FAM81A: variants seen among roughly 807,000 people sequenced by gnomAD.
FAM81A encodes protein FAM81A.
In FAM81A, 19 loss-of-function variants were observed where a neutral mutation model predicts 46.7. That is an observed-to-expected ratio of 0.41 (90% CI 0.28 to 0.60). The LOEUF is 0.60. Among genes scored for constraint, FAM81A ranks in the 20% least tolerant of loss-of-function variants. FAM81A has a pLI of 0.34. For synonymous variants in FAM81A, 183 were observed against 152.9 expected (o/e 1.20, Z -1.45); for missense variants, 377 against 453.5 (o/e 0.83, Z 1.53).
intron 6 of FAM81A, among the ~76,000 whole-genome samples, chr15:59,512,207 G>C (rs1432595402): frequency 6.6e-6 from 1 of 152,038 alleles, no homozygotes; most frequent in Non-Finnish European, 1.5e-5. Flanking sequence ...GGCCAGGCGA[G>C]GGGGCTAACG....
Position 59,507,080 on chromosome 15 carries a change from G to A in FAM81A, c.414-133G>A, listed in dbSNP as rs910472888. ...TGAGGCCAGCTCTTGGAATTCATTT[G>A]AACCTCTGTTCAAAAGAATGATGGA... is the stretch of plus-strand genomic sequence containing the variant. On this transcript the variant is annotated intron_variant, in intron 4 of 8. Coordinates refer to ENST00000288228, the MANE Select transcript of FAM81A (RefSeq NM_152450.3). The A allele has an allele frequency of 1.3e-5, 15 of 1,190,466 alleles. No homozygotes were observed. The African/African-American group carries it at 1.9e-4, about 15-fold the overall frequency. 73.7% of individuals were successfully genotyped at this position (1,190,466 alleles called of 1,614,324 possible). A position where few individuals can be genotyped will look rare whatever the true frequency, so the allele number is the denominator to read the frequency against.
chr15:59,496,553 C>T (rs1390843473), intron 4 of FAM81A, among the ~76,000 whole-genome samples: 1 of 151,980 alleles, frequency 6.6e-6, no homozygotes, highest in Non-Finnish European at 1.5e-5. Flanking sequence ...TGTAGTGAGC[C>T]AAGATCTCGC....
intron 3 of FAM81A, among the ~76,000 whole-genome samples, chr15:59,478,752 G>C (rs1315537392): frequency 1.4e-5 from 1 of 73,230 alleles, no homozygotes. Context: ...ATTCAGTTCT[G>C]TTGACAGAGG....
chr15:59,405,748 T>TC (rs1245724664), intron 2 of FAM81A, among the ~76,000 whole-genome samples: 2 of 152,166 alleles, frequency 1.3e-5, no homozygotes, highest in African/African-American at 4.8e-5. Context: ...GAACAAACCC[T>TC]CTTACTGGCC....
At chr15:59,454,926 C>G (rs1218105517) in intron 1 of FAM81A, among the ~76,000 whole-genome samples, 1 of 151,228 alleles carries the variant, frequency 6.6e-6, no homozygotes, top group Non-Finnish European at 1.5e-5. Flanking sequence ...TGCCTCCACA[C>G]CTGGCTAATT....
At chr15:59,450,347 A>G (rs533775249) in intron 1 of FAM81A, among the ~76,000 whole-genome samples, 12 of 152,212 alleles carry the variant, frequency 7.9e-5, no homozygotes, top group African/African-American at 2.9e-4. Flanking sequence ...TTTTGCTATT[A>G]GAAAGAATGC....
Position 59,516,652 on chromosome 15 carries a change from G to A in FAM81A, c.794G>A (p.Ser265Asn). ...SLIVKENSGA[S>N]ERDMEKKLSQ... ...TCTTATCATGGATCTCAGGGAGCCA[G>A]TGAAAGGGATATGGAGAAGAAGCTC... is the stretch of plus-strand genomic sequence containing the variant. Residue 265 changes from serine to asparagine, a missense_variant, in exon 8 of 9, where the codon AGT (serine) becomes AAT (asparagine). Coordinates refer to ENST00000288228, the MANE Select transcript of FAM81A (RefSeq NM_152450.3). The A allele has an allele frequency of 2.5e-6, 4 of 1,610,864 alleles. No individual in the cohort carries two copies. Among genetic ancestry groups the A allele is most frequent in the Non-Finnish European group, 3.4e-6 (4 of 1,179,102 alleles).
chr15:59,480,359 G>A (rs1310997568), intron 3 of FAM81A, among the ~76,000 whole-genome samples: 2 of 152,132 alleles, frequency 1.3e-5, no homozygotes, highest in African/African-American at 4.8e-5. Flanking sequence ...TCCTGGCAAC[G>A]CTGGCCTGTC....
chr15:59,432,764 A>C (rs1469554814), intron 2 of FAM81A, among the ~76,000 whole-genome samples: 1 of 152,220 alleles, frequency 6.6e-6, no homozygotes, highest in African/African-American at 2.4e-5. Flanking sequence ...GGCTGAGGGG[A>C]GGTGAGTGAG....
intron 3 of FAM81A, among the ~76,000 whole-genome samples, chr15:59,479,519 G>GAAAAAAAAAAAAAAAAAA (rs57107735): frequency 1.4e-5 from 1 of 72,676 alleles, no homozygotes; most frequent in Non-Finnish European, 2.4e-5. Flanking sequence ...TCAAAAATAA[G>GAAAAAAAAAAAAAAAAAA]AAAAAAAAAA....
At chr15:59,479,166 G>A (rs1172301189) in intron 3 of FAM81A, among the ~76,000 whole-genome samples, 7 of 152,184 alleles carry the variant, frequency 4.6e-5, no homozygotes, top group African/African-American at 1.7e-4. Flanking sequence ...GTTAGCTGAT[G>A]TCAAGTGCTC....
intron 3 of FAM81A, among the ~76,000 whole-genome samples, chr15:59,474,425 G>T (rs1182506567): frequency 6.6e-6 from 1 of 152,186 alleles, no homozygotes; most frequent in Non-Finnish European, 1.5e-5. Context: ...GCAGAAGGTG[G>T]AAGGGCAAGA....
chr15:59,460,059 G>A lies in FAM81A; in HGVS notation c.147G>A (p.Glu49=). The A allele has an allele frequency of 6.2e-7, 1 of 1,613,960 alleles. No homozygotes were observed. The change falls in exon 3 of 9, where the codon GAG becomes GAA. Residue 49 remains glutamate, a synonymous_variant. Coordinates refer to ENST00000288228, the MANE Select transcript of FAM81A (RefSeq NM_152450.3). This position sits in a 1 kb window ranked among gnomAD's most constrained non-coding sequence, Gnocchi z 4.4. The part of the protein sequence containing the change: ...CHEKTTAALV[E]HAFRIKDDIV... Reference sequence around the variant, plus strand: ...AGAAAACCACCGCCGCCCTCGTAGAGCACGCCTTTCGGATTAAAGATGACA... The same window carrying A: ...AGAAAACCACCGCCGCCCTCGTAGAACACGCCTTTCGGATTAAAGATGACA...
At chr15:59,448,463 G>C (rs2081375570) in intron 1 of FAM81A, among the ~76,000 whole-genome samples, 1 of 152,144 alleles carries the variant, frequency 6.6e-6, no homozygotes, top group Non-Finnish European at 1.5e-5. Context: ...CAAAGTGCTG[G>C]CTTCCAGGCC....
upstream of FAM81A, among the ~76,000 whole-genome samples, chr15:59,433,726 G>A: frequency 6.6e-6 from 1 of 152,206 alleles, no homozygotes; most frequent in East Asian, 1.9e-4. Context: ...CATAAAGAGT[G>A]ACGTATTGTG....
intron 1 of FAM81A, among the ~76,000 whole-genome samples, chr15:59,398,335 G>A (rs2081055737): frequency 2.0e-5 from 3 of 152,144 alleles, no homozygotes; most frequent in Non-Finnish European, 4.4e-5. Flanking sequence ...GTGTAAATTT[G>A]GATTAGGTTT....
chr15:59,409,755 C>A (rs1019346251), intron 2 of FAM81A, among the ~76,000 whole-genome samples: 1 of 152,082 alleles, frequency 6.6e-6, no homozygotes, highest in Non-Finnish European at 1.5e-5. Flanking sequence ...ATACTCTGAA[C>A]GTTTTATCTG....
chr15:59,518,256 G>A (rs543699728), intron 8 of FAM81A, among the ~76,000 whole-genome samples: 8 of 151,708 alleles, frequency 5.3e-5, no homozygotes, highest in Middle Eastern at 3.4e-3. Context: ...GGGATTACAG[G>A]CAAGAGCCAC....
chr15:59,448,191 A>G (rs1488328717), intron 1 of FAM81A, among the ~76,000 whole-genome samples: 1 of 152,156 alleles, frequency 6.6e-6, no homozygotes, highest in Admixed American at 6.6e-5. Flanking sequence ...ACCATGGACA[A>G]CATGGCGAAA....
Sources: gnomAD v4.1 joint callset for allele counts (sites outside exome capture counted in the v4.1 genomes callset) on GRCh38, gnomAD v4.1.1 for gene constraint, Gnocchi (gnomAD v3.1) non-coding constraint, MANE v1.5 for transcripts, NCBI Gene and HGNC (gene_info 2026-07-23, HGNC 2026-07-21) for gene names.